Variants in CASP8 observed in about 807,000 individuals in gnomAD.
CASP8 encodes the protein caspase 8.
CASP8 carries 24 observed loss-of-function variants against 46.3 expected under a neutral mutation model. The ratio of observed to expected loss-of-function variants is 0.52; its 90% CI spans 0.38 to 0.73. The LOEUF (loss-of-function observed/expected upper bound fraction) is 0.73. CASP8 is among the 30% of genes least tolerant of loss of function. CASP8 has a pLI of 0.00. For synonymous variants in CASP8, 188 were observed against 200.4 expected (o/e 0.94, Z 0.52); for missense variants, 460 against 559.0 (o/e 0.82, Z 1.79).
chr2:201,261,398 A>G (rs1947393698), intron 1 of CASP8, among the ~76,000 whole-genome samples: 1 of 151,916 alleles, frequency 6.6e-6, no homozygotes, highest in Admixed American at 6.6e-5. Context: ...TCTCAAAAAA[A>G]AAAAAAAAAA....
At chr2:201,285,367 C>T (rs1281782187) in intron 8 of CASP8, 50 bp downstream of exon 8, 3 of 1,597,854 alleles carry the variant, frequency 1.9e-6, no homozygotes, top group Non-Finnish European at 2.6e-6. Flanking sequence ...CCTTCCCCCC[C>T]TACTCCATCA....
At chr2:201,270,180 G>A (rs535344270) in intron 2 of CASP8, among the ~76,000 whole-genome samples, 22 of 152,260 alleles carry the variant, frequency 1.4e-4, no homozygotes, top group African/African-American at 5.3e-4. Flanking sequence ...TATTCGACAA[G>A]CATATTCCAA....
chr2:201,286,854 CGTG>C lies in CASP8; in HGVS notation c.*261_*263del, dbSNP rs970965891. On this transcript the variant is annotated 3_prime_UTR_variant, in exon 9 of 9. Coordinates refer to ENST00000673742, the MANE Select transcript of CASP8 (RefSeq NM_001372051.1). ...CAGGGTGGTCTTGATCTCCTGACCT[CGTG>C]ATCCACCCACCTCGGCCTCCCAAAG... 27 of 397,398 alleles carry C rather than the reference CGTG, an allele frequency of 6.8e-5. No homozygotes were observed. Among genetic ancestry groups the C allele is most frequent in the African/African-American group, 5.6e-4 (27 of 48,318 alleles). 24.6% of individuals were successfully genotyped at this position (397,398 alleles called of 1,614,324 possible). A position where few individuals can be genotyped will look rare whatever the true frequency, so the allele number is the denominator to read the frequency against.
chr2:201,258,952 C>G (rs776561284), upstream of CASP8, among the ~76,000 whole-genome samples: 7 of 151,326 alleles, frequency 4.6e-5, no homozygotes, highest in Non-Finnish European at 8.8e-5. Context: ...ATGTATTTTT[C>G]TTTTGTATGT....
intron 2 of CASP8, among the ~76,000 whole-genome samples, chr2:201,253,893 C>T (rs1946898572): frequency 6.6e-6 from 1 of 151,944 alleles, no homozygotes; most frequent in African/African-American, 2.4e-5. Flanking sequence ...ACCAGCCTGA[C>T]CAACATGGAG....
chr2:201,276,101 G>C (rs1049777233), intron 6 of CASP8, among the ~76,000 whole-genome samples: 3 of 152,102 alleles, frequency 2.0e-5, no homozygotes, highest in African/African-American at 7.2e-5. Flanking sequence ...TCCACCTCAA[G>C]GGGCTACGCA....
At chr2:201,239,278 C>T (rs892087432) in intron 2 of CASP8, among the ~76,000 whole-genome samples, 1 of 152,168 alleles carries the variant, frequency 6.6e-6, no homozygotes. Context: ...CAATGAGCTG[C>T]TGGGTACACC....
upstream of CASP8, among the ~76,000 whole-genome samples, chr2:201,259,236 A>G (rs182623518): frequency 1.2e-4 from 19 of 152,328 alleles, no homozygotes; most frequent in East Asian, 3.5e-3. Context: ...GCAGTGGTGC[A>G]ATCACGGCTC....
intron 2 of CASP8, among the ~76,000 whole-genome samples, chr2:201,246,762 C>G (rs1946538863): frequency 6.6e-6 from 1 of 152,176 alleles, no homozygotes; most frequent in African/African-American, 2.4e-5. Flanking sequence ...TCTGTTCTGT[C>G]TGCAAAAATC....
At chr2:201,247,930 C>T (rs1486736460) in intron 2 of CASP8, among the ~76,000 whole-genome samples, 1 of 152,170 alleles carries the variant, frequency 6.6e-6, no homozygotes, top group East Asian at 1.9e-4. Context: ...AGGCGTGAGC[C>T]ACTGCGCCCG....
intron 7 of CASP8, among the ~76,000 whole-genome samples, chr2:201,283,125 G>A (rs1576376787): frequency 6.4e-5 from 4 of 62,766 alleles, no homozygotes; most frequent in African/African-American, 2.1e-4. Flanking sequence ...TGGGCGGGGC[G>A]GCTGGCCGGG....
At chr2:201,265,822 A>C (rs145908192) in intron 1 of CASP8, among the ~76,000 whole-genome samples, 7 of 152,110 alleles carry the variant, frequency 4.6e-5, no homozygotes, top group Admixed American at 2.0e-4. Context: ...TTTTACATTA[A>C]TTGTTTCCTG....
At chr2:201,267,659 T>C (rs1947919117) in intron 2 of CASP8, among the ~76,000 whole-genome samples, 1 of 152,182 alleles carries the variant, frequency 6.6e-6, no homozygotes, top group African/African-American at 2.4e-5. Flanking sequence ...CAGAAACACA[T>C]TGTCACTTTC....
In CASP8 at chr2:201,284,919, G is replaced by A; in HGVS notation, c.906G>A (p.Met302Ile). 6.2e-7 allele frequency: 1 copy of A among 1,614,096 alleles called. No homozygotes were observed. Among genetic ancestry groups the A allele is most frequent in the Non-Finnish European group, 8.5e-7 (1 of 1,180,024 alleles). The part of the protein sequence containing the change: ...IYEILKIYQL[M>I]DHSNMDCFIC... ...AGATTTTGAAAATCTACCAACTCAT[G>A]GACCACAGTAACATGGACTGCTTCA... Residue 302 changes from methionine to isoleucine, a missense_variant, in exon 8 of 9, where the codon ATG becomes ATA. Transcript: ENST00000673742.
At chr2:201,267,252 G>T (rs565952184) in intron 2 of CASP8, among the ~76,000 whole-genome samples, 13 of 152,088 alleles carry the variant, frequency 8.5e-5, no homozygotes, top group African/African-American at 4.8e-5. Context: ...TATCCAGATT[G>T]TGTGCTTACT....
At chr2:201,269,653 G>C in intron 2 of CASP8, 1 of 1,357,456 alleles carries the variant, frequency 7.4e-7, no homozygotes, top group Non-Finnish European at 1.0e-6. Flanking sequence ...GAGATAAAAG[G>C]GTCCGGGCAA....
intron 6 of CASP8, among the ~76,000 whole-genome samples, chr2:201,276,521 A>C (rs1416440941): frequency 1.3e-5 from 2 of 152,216 alleles, no homozygotes; most frequent in African/African-American, 4.8e-5. Context: ...AACCTCAAGG[A>C]GTCTTCTGTA....
At chr2:201,251,916 A>AT (rs896913079) in intron 2 of CASP8, among the ~76,000 whole-genome samples, 1 of 151,980 alleles carries the variant, frequency 6.6e-6, no homozygotes, top group Admixed American at 6.6e-5. Context: ...AAAAAAAAAA[A>AT]GCTTCATGAC....
At chr2:201,283,034 C>T (rs1165502793) in intron 7 of CASP8, among the ~76,000 whole-genome samples, 3 of 65,424 alleles carry the variant, frequency 4.6e-5, no homozygotes, top group African/African-American at 4.5e-5. Context: ...GGCGGCTGGC[C>T]GGGCAGGGGG....
Sources: gnomAD v4.1 joint callset for allele counts (sites outside exome capture counted in the v4.1 genomes callset) on GRCh38, gnomAD v4.1.1 for gene constraint, MANE v1.5 for transcripts, NCBI Gene and HGNC (gene_info 2026-07-23, HGNC 2026-07-21) for gene names.